The following ANKRD20A1 variants were observed in gnomAD, a reference collection of about 807,000 sequenced individuals.
The protein encoded by ANKRD20A1 is ankyrin repeat domain 20 family member A1, also known as ankyrin repeat domain-containing protein 20A1.
Under a neutral mutation model 50.9 loss-of-function variants are expected in ANKRD20A1, and 2 were observed. The ratio of observed to expected loss-of-function variants is 0.04; its 90% CI spans 0.02 to 0.12. The LOEUF is 0.12. Among genes scored for constraint, ANKRD20A1 ranks in the 10% least tolerant of loss-of-function variants. The probability of loss-of-function intolerance (pLI) is 1.00; values close to 1 mark genes in which losing one functional copy is unlikely to be tolerated. For missense variants in ANKRD20A1, 31 were observed against 548.1 expected (o/e 0.06, Z 9.42); for synonymous variants, 10 against 186.2 (o/e 0.05, Z 7.70).
chr9:67,866,463 A>G (rs938945894), intron 3 of ANKRD20A1, among the ~76,000 whole-genome samples: 5 of 135,842 alleles, frequency 3.7e-5, no homozygotes, highest in African/African-American at 1.3e-4. Context: ...ATAATAAGGA[A>G]AATAAATGCA....
chr9:67,871,323 T>C, intron 6 of ANKRD20A1, 111 bp downstream of exon 6: 1 of 483,852 alleles, frequency 2.1e-6, no homozygotes, highest in South Asian at 2.4e-5. Flanking sequence ...AAGACCAGTT[T>C]AAAAATATGT....
At chr9:67,894,029 A>C (rs1307505524) in intron 12 of ANKRD20A1, among the ~76,000 whole-genome samples, 1 of 152,300 alleles carries the variant, frequency 6.6e-6, no homozygotes, top group African/African-American at 2.4e-5. Flanking sequence ...GTCTGTGTTC[A>C]GGGAGTGAAT....
At chr9:67,871,880 GA>G (rs1182257323) in intron 6 of ANKRD20A1, among the ~76,000 whole-genome samples, 2 of 142,402 alleles carry the variant, frequency 1.4e-5, no homozygotes, top group East Asian at 4.4e-4. Context: ...GAAGCTGTTA[GA>G]AAGGAAATCA....
chr9:67,900,446 T>C (rs79678638), intron 14 of ANKRD20A1, 47 bp from the exon 15 acceptor site: 1 of 906,858 alleles, frequency 1.1e-6, no homozygotes, highest in South Asian at 1.9e-5. Flanking sequence ...GAGGTAATCA[T>C]GATATTTTAT....
chr9:67,875,452 A>G (rs1479461060), intron 6 of ANKRD20A1, among the ~76,000 whole-genome samples: 1 of 133,512 alleles, frequency 7.5e-6, no homozygotes, highest in Non-Finnish European at 1.6e-5. Context: ...CCACACATGC[A>G]TAGCCTCCCC....
rs756776386 is a variant in ANKRD20A1, at chr9:67,860,003, A to ATT, written c.203+375_203+376insTT. The stretch of plus-strand genomic sequence containing the variant: ...AAAATATTTACTATATTATATATAT[A>ATT]TATTTTTTTTTCAGATGAAAAGTAT... On this transcript the variant is annotated intron_variant, in intron 1 of 14. Transcript: ENST00000562196. 3.0e-4 allele frequency among the ~76,000 whole-genome samples: 4 copies of ATT among 13,198 alleles called. 2 individuals carry two copies. Among genetic ancestry groups the ATT allele is most frequent in the Non-Finnish European group, 6.3e-4 (4 of 6,312 alleles). The allele number at this position is 13,198 out of a possible 152,430, so 8.7% of individuals were successfully genotyped here.
chr9:67,884,794 GC>G, intron 9 of ANKRD20A1, among the ~76,000 whole-genome samples: 1 of 151,290 alleles, frequency 6.6e-6, no homozygotes, highest in Admixed American at 6.7e-5. Context: ...GGAGGCTGAG[GC>G]AGGAGAATGG....
chr9:67,880,979 T>C (rs1587601264), intron 8 of ANKRD20A1, among the ~76,000 whole-genome samples: 2 of 118,494 alleles, frequency 1.7e-5, no homozygotes, highest in African/African-American at 5.6e-5. Flanking sequence ...CTCCTGGTGA[T>C]TTTTAGTGGC....
intron 8 of ANKRD20A1, among the ~76,000 whole-genome samples, chr9:67,881,623 A>G (rs1312628215): frequency 3.3e-5 from 5 of 151,816 alleles, no homozygotes; most frequent in African/African-American, 1.2e-4. Context: ...AAACCAAAAC[A>G]AAACAAAACA....
chr9:67,882,335 T>C (rs1488216007), intron 8 of ANKRD20A1, among the ~76,000 whole-genome samples: 1 of 150,976 alleles, frequency 6.6e-6, no homozygotes, highest in Non-Finnish European at 1.5e-5. Context: ...TAATGGAATG[T>C]TATAAGTAAT....
Position 67,868,480 on chromosome 9 carries a change from CCTT to C in ANKRD20A1, c.655_657del (p.Leu219del). On this transcript the variant is annotated inframe_deletion, in exon 5 of 15. Transcript: ENST00000562196. ...ATGACTCACCAGGTATTGTCAATAT[CCTT>C]CTTAAGCAAAATATTGATGTCTTCG... 1.3e-6 allele frequency: 1 copy of C among 774,690 alleles called. No homozygotes were observed. The highest frequency in any genetic ancestry group is 1.8e-6 in the Non-Finnish European group (1 of 563,312). The allele number at this position is 774,690 out of a possible 1,614,324, so 48.0% of individuals were successfully genotyped here.
In ANKRD20A1 at chr9:67,891,066, C is replaced by T. The variant is rs28428603; in HGVS notation, c.1082-2370C>T. Reference sequence around the variant, plus strand: ...ATCCCAGCACTTTGGGAGGCTGAGACGGGCAGATAACCTGAGGTTGGGAGT... The same window carrying T: ...ATCCCAGCACTTTGGGAGGCTGAGATGGGCAGATAACCTGAGGTTGGGAGT... On this transcript the variant is annotated intron_variant, in intron 11 of 14. Coordinates refer to ENST00000562196, the MANE Select transcript of ANKRD20A1 (RefSeq NM_032250.5). Among the ~76,000 whole-genome samples the T allele has an allele frequency of 2.3e-5, 2 of 87,402 alleles. 1 individual carries two copies. Among genetic ancestry groups the T allele is most frequent in the Non-Finnish European group, 4.9e-5 (2 of 40,890 alleles). The allele number at this position is 87,402 out of a possible 152,430, so 57.3% of individuals were successfully genotyped here.
At chr9:67,881,722 G>A (rs775335198) in intron 8 of ANKRD20A1, among the ~76,000 whole-genome samples, 2,847 of 150,802 alleles carry the variant, frequency 0.019, no homozygotes, top group Middle Eastern at 0.031. Context: ...TTGAACCCGG[G>A]AGGCGGAGGT....
At chr9:67,882,671 G>T (rs1311235556) in intron 8 of ANKRD20A1, among the ~76,000 whole-genome samples, 2 of 128,046 alleles carry the variant, frequency 1.6e-5, no homozygotes, top group African/African-American at 2.7e-5. Flanking sequence ...AAGTTCTAGG[G>T]TACATGTGCA....
Position 67,896,370 on chromosome 9 carries a change from T to C in ANKRD20A1, c.1153-1189T>C, listed in dbSNP as rs1277331377. ...CCCATCATGGTTATTTCCAATATTT[T>C]TGAAAACATATACTTACACATATTT... On this transcript the variant is annotated intron_variant, in intron 12 of 14. Coordinates refer to ENST00000562196, the MANE Select transcript of ANKRD20A1 (RefSeq NM_032250.5). 2.2e-5 allele frequency among the ~76,000 whole-genome samples: 2 copies of C among 90,232 alleles called. 1 individual carries two copies. Among genetic ancestry groups the C allele is most frequent in the African/African-American group, 6.6e-5 (2 of 30,186 alleles). 59.2% of individuals were successfully genotyped at this position (90,232 alleles called of 152,430 possible). A position where few individuals can be genotyped will look rare whatever the true frequency, so the allele number is the denominator to read the frequency against.
chr9:67,881,463 G>A (rs1293729848), intron 8 of ANKRD20A1, among the ~76,000 whole-genome samples: 3 of 150,256 alleles, frequency 2.0e-5, no homozygotes, highest in Admixed American at 6.7e-5. Flanking sequence ...TTTTGTCATT[G>A]TAGTTTATTT....
chr9:67,893,934 T>C (rs1827976915), intron 12 of ANKRD20A1, among the ~76,000 whole-genome samples: 1 of 152,310 alleles, frequency 6.6e-6, no homozygotes, highest in Admixed American at 6.5e-5. Context: ...TTGCCAGTGG[T>C]TCAAATGTTG....
At chr9:67,872,560 A>T (rs1362453635) in intron 6 of ANKRD20A1, among the ~76,000 whole-genome samples, 7 of 134,732 alleles carry the variant, frequency 5.2e-5, no homozygotes, top group Non-Finnish European at 8.2e-5. Context: ...GAAATGAAGA[A>T]AAAGATTAGA....
chr9:67,872,285 G>C (rs1401938763), intron 6 of ANKRD20A1, among the ~76,000 whole-genome samples: 1 of 128,150 alleles, frequency 7.8e-6, no homozygotes, highest in Non-Finnish European at 1.7e-5. Context: ...AGAAGCACAA[G>C]TTATATTACA....
Sources: gnomAD v4.1 joint callset for allele counts (sites outside exome capture counted in the v4.1 genomes callset) on GRCh38, gnomAD v4.1.1 for gene constraint, MANE v1.5 for transcripts, NCBI Gene and HGNC (gene_info 2026-07-23, HGNC 2026-07-21) for gene names.